The following TAP1 variants were observed in gnomAD, a reference collection of about 807,000 sequenced individuals.
TAP1 encodes transporter 1, ATP binding cassette subfamily B member, also known as antigen peptide transporter 1.
Under a neutral mutation model 79.3 loss-of-function variants are expected in TAP1, and 56 were observed. The ratio of observed to expected loss-of-function variants is 0.71; its 90% CI spans 0.57 to 0.88. The LOEUF (loss-of-function observed/expected upper bound fraction) is 0.88, where lower values mean the gene tolerates loss of function less well. Ranked by LOEUF, TAP1 falls within the 40% of genes least tolerant of loss-of-function variation. TAP1 has a pLI of 0.00. For missense variants in TAP1, 737 were observed against 936.3 expected (o/e 0.79, Z 2.78); for synonymous variants, 355 against 401.4 (o/e 0.88, Z 1.38).
chr6:32,852,095 G>C lies in TAP1; in HGVS notation c.844+14C>G, dbSNP rs766545449. 6.2e-7 allele frequency: 1 copy of C among 1,612,976 alleles called. No homozygotes were observed. The highest frequency in any genetic ancestry group is 8.5e-7 in the Non-Finnish European group (1 of 1,180,026). ...ACAGTACATGGCGTATAATGAAAGA[G>C]TTTCAGGAGAAACCTGTCTGGTTCT... On this transcript the variant is annotated intron_variant, in intron 3 of 10. Transcript: ENST00000354258. The surrounding 1 kb of genome is among the most constrained non-coding windows in gnomAD (Gnocchi z 4.8).
At position 32,850,861 on chromosome 6, in the gene TAP1, C is replaced by T; in HGVS notation, c.1050+83G>A. On this transcript the variant is annotated intron_variant, in intron 4 of 10. Transcript: ENST00000354258. The surrounding 1 kb of genome is among the most constrained non-coding windows in gnomAD (Gnocchi z 5.5). ...CAGTAAGGGTGCCAGGAAAGCTGGA[C>T]TGAAAGCAATGTGAGAGGAACTGAG... 7.8e-7 allele frequency: 1 copy of T among 1,282,192 alleles called. No homozygotes were observed. The highest frequency in any genetic ancestry group is 1.5e-5 in the African/African-American group (1 of 68,332). 79.4% of individuals were successfully genotyped at this position (1,282,192 alleles called of 1,614,324 possible).
Position 32,850,477 on chromosome 6 carries a change from C to G in TAP1, c.1091G>C (p.Ser364Thr). Residue 364 changes from serine (S) to threonine (T), a missense_variant, in exon 5 of 11, where the codon AGC (serine) becomes ACC (threonine). Ser to Thr is a moderately conservative substitution (Grantham distance 58). Coordinates refer to ENST00000354258, the MANE Select transcript of TAP1 (RefSeq NM_000593.6). This position sits in a 1 kb window ranked among gnomAD's most constrained non-coding sequence, Gnocchi z 5.5. ...VQVRESLAKSSQVAIEALSAM... is the reference protein window; with the variant it reads ...VQVRESLAKSTQVAIEALSAM... Reference sequence around the variant, plus strand: ...CGACAGAGCCTCAATGGCCACCTGGCTGGACTTTGCCAGAGATTCCCGCAC... The same window carrying G: ...CGACAGAGCCTCAATGGCCACCTGGGTGGACTTTGCCAGAGATTCCCGCAC... 1 of 1,613,968 alleles carries G rather than the reference C, an allele frequency of 6.2e-7. No homozygotes were observed. Among genetic ancestry groups the G allele is most frequent in the South Asian group, 1.1e-5 (1 of 91,086 alleles).
chr6:32,850,226 A>T lies in TAP1; in HGVS notation c.1248+94T>A. The T allele has an allele frequency of 1.5e-6, 2 of 1,370,826 alleles. No individual in the cohort carries two copies. Among genetic ancestry groups the T allele is most frequent in the Non-Finnish European group, 1.0e-6 (1 of 961,882 alleles). 84.9% of individuals were successfully genotyped at this position (1,370,826 alleles called of 1,614,324 possible). ...GAAAATACTGAACCAACCATTTCCC[A>T]GTAAAGGAGGAGTGGGAGCAGGGTC... On this transcript the variant is annotated intron_variant, in intron 5 of 10. Transcript: ENST00000354258. The surrounding 1 kb of genome is among the most constrained non-coding windows in gnomAD (Gnocchi z 5.5).
rs1396910813 is a variant in TAP1, at chr6:32,851,140, A to T, written c.854T>A (p.Met285Lys). Reference protein sequence around the residue: ...FFQQNQTGNIMSRVTEDTSTL... With the variant: ...FFQQNQTGNIKSRVTEDTSTL... ...GGACGTGTCCTCTGTTACCCGAGAC[A>T]TGATGTTACCTGCAGGGTTGGGGAG... Residue 285 changes from methionine (M) to lysine (K), a missense_variant, in exon 4 of 11, where the codon ATG becomes AAG. Coordinates refer to ENST00000354258, the MANE Select transcript of TAP1 (RefSeq NM_000593.6). The surrounding 1 kb of genome is among the most constrained non-coding windows in gnomAD (Gnocchi z 4.8). 6.2e-7 allele frequency: 1 copy of T among 1,612,986 alleles called. No individual in the cohort carries two copies. The highest frequency in any genetic ancestry group is 8.5e-7 in the Non-Finnish European group (1 of 1,179,994).
chr6:32,851,229 C>T lies in TAP1; in HGVS notation c.845-80G>A. The T allele has an allele frequency of 7.1e-7, 1 of 1,418,040 alleles. No homozygotes were observed. Among genetic ancestry groups the T allele is most frequent in the Non-Finnish European group, 9.8e-7 (1 of 1,020,586 alleles). 87.8% of individuals were successfully genotyped at this position (1,418,040 alleles called of 1,614,324 possible). ...GACGAACTAACAATGAGCCAGGATG[C>T]CAGGGTCAGGGGTGTCAACATGGGG... On this transcript the variant is annotated intron_variant, in intron 3 of 10. Coordinates refer to ENST00000354258, the MANE Select transcript of TAP1 (RefSeq NM_000593.6). The surrounding 1 kb of genome is among the most constrained non-coding windows in gnomAD (Gnocchi z 4.8).
Position 32,850,166 on chromosome 6 carries a change from C to G in TAP1, c.1248+154G>C. On this transcript the variant is annotated intron_variant, in intron 5 of 10. Coordinates refer to ENST00000354258, the MANE Select transcript of TAP1 (RefSeq NM_000593.6). This position sits in a 1 kb window ranked among gnomAD's most constrained non-coding sequence, Gnocchi z 5.5. ...AAAGAGAGGGAGGGGGCTAGGGACA[C>G]TGAGTAGAGTCATTGAGCCTCAGGT... 1 of 771,546 alleles carries G rather than the reference C, an allele frequency of 1.3e-6. No homozygotes were observed. The highest frequency in any genetic ancestry group is 2.2e-6 in the Non-Finnish European group (1 of 447,628). The allele number at this position is 771,546 out of a possible 1,614,324, so 47.8% of individuals were successfully genotyped here. A position where few individuals can be genotyped will look rare whatever the true frequency, so the allele number is the denominator to read the frequency against.
Position 32,853,305 on chromosome 6 carries a change from G to T in TAP1, c.332C>A (p.Ala111Asp). ...AALGLALPGL[A>D]LFRELISWGA... ...CCATGAGATCAGCTCTCGGAACAAG[G>T]CAAGTCCCGGCAGGGCCAAGCCCAG... The change falls in exon 1 of 11, where the codon GCC becomes GAC. Residue 111 changes from alanine (A) to aspartate (D), a missense_variant. This residue lies in a region of TAP1 where 406 missense variants were observed against 477.2 expected (regional missense o/e 0.85). Coordinates refer to ENST00000354258, the MANE Select transcript of TAP1 (RefSeq NM_000593.6). This position sits in a 1 kb window ranked among gnomAD's most constrained non-coding sequence, Gnocchi z 8.3. 1 of 1,579,144 alleles carries T rather than the reference G, an allele frequency of 6.3e-7. No individual in the cohort carries two copies. Among genetic ancestry groups the T allele is most frequent in the Non-Finnish European group, 8.6e-7 (1 of 1,161,882 alleles).
rs780208746 is a variant in TAP1 at position 32,852,979 on chromosome 6, A to G, written c.598+60T>C. On this transcript the variant is annotated intron_variant, in intron 1 of 10. Coordinates refer to ENST00000354258, the MANE Select transcript of TAP1 (RefSeq NM_000593.6). The surrounding 1 kb of genome is among the most constrained non-coding windows in gnomAD (Gnocchi z 4.8). Reference sequence around the variant, plus strand: ...ACGCTACTCTACCTTACTGACAATTACCTTTGATTCCTGTCCCAGTCCCCT... The same window carrying G: ...ACGCTACTCTACCTTACTGACAATTGCCTTTGATTCCTGTCCCAGTCCCCT... The G allele has an allele frequency of 1.2e-4, 193 of 1,547,958 alleles. No homozygotes were observed. The highest frequency in any genetic ancestry group is 8.6e-4 in the Middle Eastern group (4 of 4,658).
chr6:32,852,417 T>TA lies in TAP1; in HGVS notation c.683dup (p.Leu228PhefsTer19). ...CTATGGTGAGAATGGACATGAGAGT[T>TA]AAGTTTCGAGTGAAGGTATCGGCTG... On this transcript the variant is annotated frameshift_variant, in exon 2 of 11. Transcript: ENST00000354258. LOFTEE classifies it high-confidence loss of function. This position sits in a 1 kb window ranked among gnomAD's most constrained non-coding sequence, Gnocchi z 4.8. The TA allele has an allele frequency of 1.9e-6, 3 of 1,613,006 alleles. No homozygotes were observed. Among genetic ancestry groups the TA allele is most frequent in the Non-Finnish European group, 2.5e-6 (3 of 1,180,012 alleles).
At position 32,853,049 on chromosome 6, in the gene TAP1, GAGGACCACC is replaced by G. The variant is rs1562374896; in HGVS notation, c.579_587del (p.Val194_Leu196del). 3 of 1,612,328 alleles carry G rather than the reference GAGGACCACC, an allele frequency of 1.9e-6. No individual in the cohort carries two copies. Among genetic ancestry groups the G allele is most frequent in the Non-Finnish European group, 2.5e-6 (3 of 1,180,004 alleles). ...CTGCGTTCCCCTTACCAAGAGAGGA[GAGGACCACC>G]AGGACCAGGAACAGCGAGAGGCGGC... On this transcript the variant is annotated inframe_deletion, in exon 1 of 11. Transcript: ENST00000354258. This position sits in a 1 kb window ranked among gnomAD's most constrained non-coding sequence, Gnocchi z 8.3.
At chr6:32,846,467 A>T (rs1132988) in intron 10 of TAP1, 13,895 of 166,588 alleles carry the variant, frequency 0.083, 684 homozygotes, top group South Asian at 0.15. Flanking sequence ...ACAAAAAATA[A>T]TTTTTTTAAA....
chr6:32,848,057 C>T lies in TAP1; in HGVS notation c.1602G>A (p.Thr534=), dbSNP rs530026098. The part of the protein sequence containing the change: ...LTFTLRPGEV[T]ALVGPNGSGK... Reference sequence around the variant, plus strand: ...CAGACCCATTGGGTCCCACCAGCGCCGTCACCTCGCCAGGGCGTAGGGTGA... The same window carrying T: ...CAGACCCATTGGGTCCCACCAGCGCTGTCACCTCGCCAGGGCGTAGGGTGA... Residue 534 remains threonine (T), a synonymous_variant, in exon 8 of 11, where the codon ACG becomes ACA. Coordinates refer to ENST00000354258, the MANE Select transcript of TAP1 (RefSeq NM_000593.6). 1.8e-5 allele frequency: 29 copies of T among 1,612,600 alleles called. No homozygotes were observed. The South Asian group carries it at 2.3e-4, about 13-fold the overall frequency.
intron 6 of TAP1, 66 bp downstream of exon 6, chr6:32,848,924 A>T (rs528545632): frequency 1.2e-6 from 2 of 1,612,644 alleles, no homozygotes; most frequent in Admixed American, 1.7e-5. Flanking sequence ...ATGGAAGGAC[A>T]TCACACAGAT....
Position 32,845,889 on chromosome 6 carries a change from C to T in TAP1, c.2041-104G>A. ...TGACCTCACAGGATCACTGCTGGCT[C>T]TGCTAACAACCCCAAGGACACCAAC... is the stretch of plus-strand genomic sequence containing the variant. On this transcript the variant is annotated intron_variant, in intron 10 of 10. Transcript: ENST00000354258. The surrounding 1 kb of genome is among the most constrained non-coding windows in gnomAD (Gnocchi z 4.5). 1 of 939,622 alleles carries T rather than the reference C, an allele frequency of 1.1e-6. No homozygotes were observed. Among genetic ancestry groups the T allele is most frequent in the Non-Finnish European group, 1.7e-6 (1 of 602,468 alleles). The allele number at this position is 939,622 out of a possible 1,614,324, so 58.2% of individuals were successfully genotyped here.
Position 32,852,955 on chromosome 6 carries a change from C to T in TAP1, c.598+84G>A. 16 of 1,520,104 alleles carry T rather than the reference C, an allele frequency of 1.1e-5. No individual in the cohort carries two copies. The highest frequency in any genetic ancestry group is 1.3e-5 in the Non-Finnish European group (15 of 1,136,802). The allele number at this position is 1,520,104 out of a possible 1,614,324, so 94.2% of individuals were successfully genotyped here. A position where few individuals can be genotyped will look rare whatever the true frequency, so the allele number is the denominator to read the frequency against. On this transcript the variant is annotated intron_variant, in intron 1 of 10. Coordinates refer to ENST00000354258, the MANE Select transcript of TAP1 (RefSeq NM_000593.6). This position sits in a 1 kb window ranked among gnomAD's most constrained non-coding sequence, Gnocchi z 4.8. ...CCTGCTCCACATTTCCCAGAACCCA[C>T]GCTACTCTACCTTACTGACAATTAC...
In TAP1 at chr6:32,853,022, C is replaced by A. The variant is rs55967815; in HGVS notation, c.598+17G>T. The A allele has an allele frequency of 0.03, 47,505 of 1,608,410 alleles. 828 individuals are homozygous for A. The highest frequency in any genetic ancestry group is 0.047 in the South Asian group (4,274 of 90,696). ...AGTCCCCTTGTGTCCTCCCCTCTTGCCCTGCGTTCCCCTTACCAAGAGAGG... is the reference window on the plus strand; with the variant it reads ...AGTCCCCTTGTGTCCTCCCCTCTTGACCTGCGTTCCCCTTACCAAGAGAGG... On this transcript the variant is annotated intron_variant, in intron 1 of 10. Transcript: ENST00000354258. This position sits in a 1 kb window ranked among gnomAD's most constrained non-coding sequence, Gnocchi z 8.3.
In TAP1 at chr6:32,853,508, T is replaced by C. The variant is rs1770945094; in HGVS notation, c.129A>G (p.Ile43Met). The change falls in exon 1 of 11, where the codon ATA becomes ATG. Residue 43 changes from isoleucine to methionine, a missense_variant. This residue lies in a region of TAP1 where 45 missense variants were observed against 60.2 expected (regional missense o/e 0.75). Coordinates refer to ENST00000354258, the MANE Select transcript of TAP1 (RefSeq NM_000593.6). The surrounding 1 kb of genome is among the most constrained non-coding windows in gnomAD (Gnocchi z 8.3). ...WVLLRTALPR[I>M]FSLLVPTALP... ...GCGCGGTGGGCACCAGCAGGGAGAA[T>C]ATGCGGGGCAGCGCGGTCCGGAGCA... 1 of 1,609,356 alleles carries C rather than the reference T, an allele frequency of 6.2e-7. No individual in the cohort carries two copies. Among genetic ancestry groups the C allele is most frequent in the Non-Finnish European group, 8.5e-7 (1 of 1,177,378 alleles).
rs59328013 is a variant in TAP1, at chr6:32,852,214, C to A, written c.739G>T (p.Gly247Trp). ...ASAVLEFVGD[G>W]IYNNTMGHVH... Reference sequence around the variant, plus strand: ...TGGCCCATGGTGTTGTTATAGATCCCGTCACCCACGAACTCCAGCACTGCA... The same window carrying A: ...TGGCCCATGGTGTTGTTATAGATCCAGTCACCCACGAACTCCAGCACTGCA... The change falls in exon 3 of 11, where the codon GGG becomes TGG. Residue 247 changes from glycine to tryptophan, a missense_variant. By Grantham distance (184) the Gly-to-Trp change is radical (BLOSUM62 -2). Around this residue, in one of 5 missense-constraint regions of TAP1, gnomAD observed 406 missense variants for 477.2 expected, o/e 0.85. Transcript: ENST00000354258. This position sits in a 1 kb window ranked among gnomAD's most constrained non-coding sequence, Gnocchi z 4.8. 1.9e-5 allele frequency: 30 copies of A among 1,612,820 alleles called. No homozygotes were observed. Among genetic ancestry groups the A allele is most frequent in the Admixed American group, 5.0e-5 (3 of 59,974 alleles).
intron 7 of TAP1, 106 bp from the exon 8 acceptor site, chr6:32,848,198 G>A (rs1770565587): frequency 4.2e-6 from 6 of 1,426,530 alleles, no homozygotes; most frequent in East Asian, 2.5e-5. Context: ...AGAAAAACAG[G>A]GAAATATAGA....
Sources: gnomAD v4.1 joint callset for allele counts on GRCh38, gnomAD v4.1.1 for gene constraint, gnomAD v4.1.1 regional missense constraint, Gnocchi (gnomAD v3.1) non-coding constraint, MANE v1.5 for transcripts, NCBI Gene and HGNC (gene_info 2026-07-23, HGNC 2026-07-21) for gene names.